MAP2: variants seen among roughly 807,000 people sequenced by gnomAD.
The protein encoded by MAP2 is microtubule associated protein 2.
MAP2 carries 14 observed loss-of-function variants against 137.6 expected under a neutral mutation model. The observed-to-expected ratio is 0.10, with a 90% CI of 0.07 to 0.16. MAP2 has a LOEUF of 0.16. Ranked by LOEUF, MAP2 falls within the 10% of genes least tolerant of loss-of-function variation. The pLI is 1.00. For synonymous variants in MAP2, 786 were observed against 782.3 expected (o/e 1.00, Z -0.08); for missense variants, 2,088 against 2,191.5 (o/e 0.95, Z 0.94).
Position 209,693,032 on chromosome 2 carries a change from C to T in MAP2, c.862C>T (p.Pro288Ser). 1 of 1,612,050 alleles carries T rather than the reference C, an allele frequency of 6.2e-7. No homozygotes were observed. Among genetic ancestry groups the T allele is most frequent in the South Asian group, 1.1e-5 (1 of 90,620 alleles). The change falls in exon 8 of 16, where the codon CCT (proline) becomes TCT (serine). Residue 288 changes from proline to serine, a missense_variant. Physicochemically the swap from Pro to Ser is moderately conservative, Grantham distance 74. Transcript: ENST00000682079. ...TTTAGTTGCCCCCATATCTCCTGGCCCTCTGACTCCCATGAGGGAAAAAGA... is the reference window on the plus strand; with the variant it reads ...TTTAGTTGCCCCCATATCTCCTGGCTCTCTGACTCCCATGAGGGAAAAAGA... ...WGLVAPISPG[P>S]LTPMREKDVF...
At position 209,472,744 on chromosome 2, in the gene MAP2, A is replaced by T. The variant is rs534988942; in HGVS notation, c.-221-34848A>T. ...GTGGTTAGAACTACTCAAAAAAAAA[A>T]TTATTGCCGTCACTGAAATTGCTTA... On this transcript the variant is annotated intron_variant, in intron 1 of 15. Coordinates refer to ENST00000682079, the MANE Select transcript of MAP2 (RefSeq NM_001375505.1). Among the ~76,000 whole-genome samples the T allele has an allele frequency of 3.9e-3, 592 of 151,942 alleles. 5 individuals carry two copies. The highest frequency in any genetic ancestry group is 0.014 in the African/African-American group (559 of 41,374).
chr2:209,655,916 T>C (rs1179960717), intron 5 of MAP2, among the ~76,000 whole-genome samples: 1 of 152,230 alleles, frequency 6.6e-6, no homozygotes, highest in Non-Finnish European at 1.5e-5. Context: ...CCGTTTTTGC[T>C]ATAGTCCCCT....
chr2:209,717,754 C>T (rs1354604675), intron 13 of MAP2, among the ~76,000 whole-genome samples: 1 of 152,126 alleles, frequency 6.6e-6, no homozygotes, highest in Non-Finnish European at 1.5e-5. Context: ...GATTGCTGGG[C>T]ATTAAATGAC....
chr2:209,677,156 A>G (rs1056123342), intron 5 of MAP2, among the ~76,000 whole-genome samples: 4 of 151,898 alleles, frequency 2.6e-5, no homozygotes, highest in African/African-American at 4.8e-5. Flanking sequence ...TGAGTAGCAT[A>G]GCAGATAATC....
At chr2:209,573,298 G>GGTTTTTTTTTTTTTTTTTTTTTT (rs770132978) in intron 2 of MAP2, among the ~76,000 whole-genome samples, 7 of 120,062 alleles carry the variant, frequency 5.8e-5, no homozygotes, top group African/African-American at 2.0e-4. Flanking sequence ...TTCTTTTTCT[G>GGTTTTTTTTTTTTTTTTTTTTTT]TTTTTTTTTT....
At chr2:209,578,408 C>A (rs1448877468) in intron 2 of MAP2, among the ~76,000 whole-genome samples, 1 of 144,130 alleles carries the variant, frequency 6.9e-6, no homozygotes, top group African/African-American at 2.8e-5. Flanking sequence ...GGAGGCGATT[C>A]TTTCAAGAAG....
chr2:209,629,853 A>G (rs546074651), intron 4 of MAP2, among the ~76,000 whole-genome samples: 1 of 152,280 alleles, frequency 6.6e-6, no homozygotes, highest in Admixed American at 6.5e-5. Context: ...CCTCCTACTT[A>G]ACAGGCTGAG....
chr2:209,510,801 C>T (rs2061636942), intron 2 of MAP2, among the ~76,000 whole-genome samples: 1 of 152,068 alleles, frequency 6.6e-6, no homozygotes, highest in South Asian at 2.1e-4. Flanking sequence ...CACTCTCAGC[C>T]TGGGAAGGCT....
Position 209,667,967 on chromosome 2 carries a change from T to G in MAP2, c.263-10605T>G, listed in dbSNP as rs541796736. Among the ~76,000 whole-genome samples the G allele has an allele frequency of 3.3e-5, 5 of 152,158 alleles. No individual in the cohort carries two copies. The East Asian group carries it at 9.7e-4, about 29-fold the overall frequency. On this transcript the variant is annotated intron_variant, in intron 5 of 15. Transcript: ENST00000682079. ...TCCCGCATAAATCCCATTACAAAGCTTAATCTCCTTGCCCTATATCAGGCT... is the reference window on the plus strand; with the variant it reads ...TCCCGCATAAATCCCATTACAAAGCGTAATCTCCTTGCCCTATATCAGGCT...
intron 3 of MAP2, among the ~76,000 whole-genome samples, chr2:209,613,472 C>A (rs877782): frequency 0.064 from 9,749 of 152,148 alleles, 562 homozygotes; most frequent in African/African-American, 0.15. Flanking sequence ...TCCTTAGAGC[C>A]AAAGCCCCTG....
Position 209,700,300 on chromosome 2 carries a change from G to C in MAP2, c.4546G>C (p.Ala1516Pro), listed in dbSNP as rs1439656618. 6.2e-7 allele frequency: 1 copy of C among 1,613,360 alleles called. No homozygotes were observed. The highest frequency in any genetic ancestry group is 2.2e-5 in the East Asian group (1 of 44,844). The change falls in exon 11 of 16, where the codon GCT (alanine) becomes CCT (proline). Residue 1516 changes from alanine to proline, a missense_variant. Ala to Pro is a conservative substitution (Grantham distance 27, BLOSUM62 -1). Coordinates refer to ENST00000682079, the MANE Select transcript of MAP2 (RefSeq NM_001375505.1). ...AGCAGCAGGTGGGGAATCAGCTCTG[G>C]CTCCCAGTGTATTTAAACAGGCAAA... is the stretch of plus-strand genomic sequence containing the variant. The part of the protein sequence containing the change: ...TTAAGGESAL[A>P]PSVFKQAKDK...
intron 2 of MAP2, among the ~76,000 whole-genome samples, chr2:209,523,982 A>G (rs1451528453): frequency 1.3e-5 from 2 of 152,100 alleles, no homozygotes; most frequent in East Asian, 3.9e-4. Flanking sequence ...CTGCTCACTG[A>G]TGACTGGTAC....
chr2:209,606,904 T>C (rs1405724564), intron 3 of MAP2, among the ~76,000 whole-genome samples: 1 of 152,202 alleles, frequency 6.6e-6, no homozygotes, highest in African/African-American at 2.4e-5. Flanking sequence ...AGTAAATGAA[T>C]AGCATTAATG....
intron 2 of MAP2, among the ~76,000 whole-genome samples, chr2:209,542,077 C>T (rs1020172832): frequency 6.6e-6 from 1 of 152,118 alleles, no homozygotes; most frequent in African/African-American, 2.4e-5. Flanking sequence ...TTAAATAAGA[C>T]GTGAAAGTCA....
intron 5 of MAP2, among the ~76,000 whole-genome samples, chr2:209,658,265 G>A (rs990455240): frequency 2.6e-5 from 4 of 151,972 alleles, no homozygotes; most frequent in Non-Finnish European, 5.9e-5. Context: ...TAATCATTGT[G>A]CATGTGACTT....
chr2:209,443,075 A>G (rs1481785512), intron 1 of MAP2, among the ~76,000 whole-genome samples: 2 of 151,652 alleles, frequency 1.3e-5, no homozygotes, highest in African/African-American at 4.8e-5. Context: ...GTATTAATAT[A>G]GCATATAAAA....
chr2:209,629,908 GT>G (rs1486424783), intron 4 of MAP2, among the ~76,000 whole-genome samples: 11 of 152,172 alleles, frequency 7.2e-5, no homozygotes, highest in Non-Finnish European at 1.3e-4. Flanking sequence ...TGGGCAGATT[GT>G]TTGGGCTGGA....
chr2:209,680,902 G>A, intron 7 of MAP2, 75 bp downstream of exon 7: 1 of 1,279,808 alleles, frequency 7.8e-7, no homozygotes, highest in Non-Finnish European at 1.1e-6. Flanking sequence ...ATAAGCTCTG[G>A]ACTTTGGTAT....
At chr2:209,584,965 C>T (rs1489317583) in intron 3 of MAP2, among the ~76,000 whole-genome samples, 1 of 152,020 alleles carries the variant, frequency 6.6e-6, no homozygotes, top group African/African-American at 2.4e-5. Context: ...TCTCTAGTCG[C>T]TAGCAAAATG....
Sources: gnomAD v4.1 joint callset for allele counts (sites outside exome capture counted in the v4.1 genomes callset) on GRCh38, gnomAD v4.1.1 for gene constraint, MANE v1.5 for transcripts, NCBI Gene and HGNC (gene_info 2026-07-23, HGNC 2026-07-21) for gene names.